SPTLC3: variants seen among roughly 807,000 people sequenced by gnomAD.
SPTLC3 encodes serine palmitoyltransferase 3.
SPTLC3 carries 36 observed loss-of-function variants against 59.3 expected under a neutral mutation model. The observed-to-expected ratio is 0.61, with a 90% CI of 0.47 to 0.80. SPTLC3 has a LOEUF of 0.80. SPTLC3 is among the 30% of genes least tolerant of loss of function. The pLI, the probability that SPTLC3 is intolerant of heterozygous loss-of-function variation, is 0.00. For synonymous variants in SPTLC3, 257 were observed against 240.8 expected (o/e 1.07, Z -0.62); for missense variants, 625 against 685.1 (o/e 0.91, Z 0.98).
chr20:13,082,622 G>A (rs901742725), intron 4 of SPTLC3, among the ~76,000 whole-genome samples: 5 of 152,042 alleles, frequency 3.3e-5, no homozygotes, highest in Non-Finnish European at 7.4e-5. Context: ...CAACCATATG[G>A]CCTGCAAAGC....
chr20:13,112,068 T>C (rs1255123196), intron 7 of SPTLC3, among the ~76,000 whole-genome samples: 1 of 152,218 alleles, frequency 6.6e-6, no homozygotes, highest in South Asian at 2.1e-4. Context: ...CAGTTACCTA[T>C]TGCCATGTAA....
Position 13,014,700 on chromosome 20 carries a change from A to G in SPTLC3, c.117+5316A>G, listed in dbSNP as rs563770649. On this transcript the variant is annotated intron_variant, in intron 1 of 11. Transcript: ENST00000399002. The stretch of plus-strand genomic sequence containing the variant: ...AGGGAAGGAAGCCGATACGCTCATG[A>G]GCAAGTTACCATTGTTGGCAACTGG... Among the ~76,000 whole-genome samples, 31 of 152,106 alleles carry G rather than the reference A, an allele frequency of 2.0e-4. 1 individual carries two copies. The South Asian group carries it at 3.1e-3, about 15-fold the overall frequency.
chr20:13,098,646 A>G (rs1480103854), intron 6 of SPTLC3, among the ~76,000 whole-genome samples: 1 of 152,176 alleles, frequency 6.6e-6, no homozygotes, highest in African/African-American at 2.4e-5. Flanking sequence ...TACTATCTCT[A>G]TCCTAACAAT....
At chr20:13,047,825 C>T (rs558558837) in intron 1 of SPTLC3, among the ~76,000 whole-genome samples, 2 of 152,232 alleles carry the variant, frequency 1.3e-5, no homozygotes, top group Non-Finnish European at 2.9e-5. Context: ...CACCTATATA[C>T]TCTCCATCCA....
intron 4 of SPTLC3, among the ~76,000 whole-genome samples, chr20:13,086,706 T>C (rs1189003838): frequency 6.6e-6 from 1 of 152,208 alleles, no homozygotes; most frequent in African/African-American, 2.4e-5. Context: ...AAAAGGACTG[T>C]GTCTGGGGAC....
intron 2 of SPTLC3, among the ~76,000 whole-genome samples, chr20:13,056,606 G>A (rs547863290): frequency 6.3e-4 from 96 of 151,430 alleles, no homozygotes; most frequent in Non-Finnish European, 8.8e-4. Flanking sequence ...GTGCCACCAC[G>A]CCTGGCTAAT....
chr20:13,092,264 G>T (rs1296377737), intron 5 of SPTLC3, among the ~76,000 whole-genome samples: 1 of 152,236 alleles, frequency 6.6e-6, no homozygotes, highest in Non-Finnish European at 1.5e-5. Flanking sequence ...GTGCCAAATG[G>T]CAATGAGCCA....
intron 1 of SPTLC3, among the ~76,000 whole-genome samples, chr20:13,037,083 T>C (rs1316069052): frequency 6.6e-6 from 1 of 152,198 alleles, no homozygotes; most frequent in Non-Finnish European, 1.5e-5. Flanking sequence ...ACAGGAAGGT[T>C]GCTGTAATTC....
chr20:13,077,279 A>G (rs1988681402), intron 4 of SPTLC3, among the ~76,000 whole-genome samples: 1 of 150,382 alleles, frequency 6.6e-6, no homozygotes, highest in Non-Finnish European at 1.5e-5. Context: ...TATATAAAAT[A>G]CAAATAATAT....
rs537086641 is a variant in SPTLC3, at chr20:13,073,014, A to G, written c.458+604A>G. On this transcript the variant is annotated intron_variant, in intron 3 of 11. Coordinates refer to ENST00000399002, the MANE Select transcript of SPTLC3 (RefSeq NM_018327.4). ...TAAATTGTAAAGATCAAATCAGTGTACTTGGGGCATCCATCATCTTAAATA... is the reference window on the plus strand; with the variant it reads ...TAAATTGTAAAGATCAAATCAGTGTGCTTGGGGCATCCATCATCTTAAATA... 2.3e-3 allele frequency among the ~76,000 whole-genome samples: 345 copies of G among 152,346 alleles called. 2 individuals are homozygous for G. The highest frequency in any genetic ancestry group is 7.9e-3 in the African/African-American group (327 of 41,582).
At chr20:13,090,583 G>A (rs243873) in intron 4 of SPTLC3, among the ~76,000 whole-genome samples, 44,788 of 151,920 alleles carry the variant, frequency 0.29, 6,923 homozygotes, top group African/African-American at 0.34. Flanking sequence ...ACCAGTCATA[G>A]GTATACAGCT....
chr20:13,083,206 C>T (rs1383905456), intron 4 of SPTLC3, among the ~76,000 whole-genome samples: 1 of 152,118 alleles, frequency 6.6e-6, no homozygotes, highest in African/African-American at 2.4e-5. Context: ...AGGAGTTTAT[C>T]CAGACTTTCC....
At chr20:13,137,400 G>C (rs1375669837) in intron 9 of SPTLC3, among the ~76,000 whole-genome samples, 1 of 152,086 alleles carries the variant, frequency 6.6e-6, no homozygotes, top group Non-Finnish European at 1.5e-5. Flanking sequence ...TTTGGCCTCT[G>C]GGAGAAGGCT....
At chr20:13,025,438 G>T (rs1986095208) in intron 1 of SPTLC3, among the ~76,000 whole-genome samples, 1 of 152,096 alleles carries the variant, frequency 6.6e-6, no homozygotes. Context: ...GCTTCATGGT[G>T]GTGTGACCTT....
Position 13,048,978 on chromosome 20 carries a change from A to G in SPTLC3, c.151A>G (p.Ile51Val), listed in dbSNP as rs747393200. ...GAAGCCACATTTTTATGATAAGCTCATTGTTGAATCGTTTGAGGAAGCACC... is the reference window on the plus strand; with the variant it reads ...GAAGCCACATTTTTATGATAAGCTCGTTGTTGAATCGTTTGAGGAAGCACC... ...NGKPHFYDKL[I>V]VESFEEAPLH... Residue 51 changes from isoleucine (I) to valine (V), a missense_variant, in exon 2 of 12, where the codon ATT becomes GTT. Ile to Val is a conservative substitution (Grantham distance 29). Coordinates refer to ENST00000399002, the MANE Select transcript of SPTLC3 (RefSeq NM_018327.4). 1.3e-6 allele frequency: 2 copies of G among 1,583,922 alleles called. No individual in the cohort carries two copies. The highest frequency in any genetic ancestry group is 8.5e-7 in the Non-Finnish European group (1 of 1,170,564).
intron 6 of SPTLC3, among the ~76,000 whole-genome samples, chr20:13,108,988 C>CA (rs1431484063): frequency 1.3e-5 from 2 of 152,052 alleles, no homozygotes; most frequent in African/African-American, 4.8e-5. Flanking sequence ...TTAGGAAATG[C>CA]AAAAAATACA....
intron 4 of SPTLC3, among the ~76,000 whole-genome samples, chr20:13,083,542 C>A (rs1277549286): frequency 1.3e-5 from 2 of 152,150 alleles, no homozygotes; most frequent in Non-Finnish European, 2.9e-5. Context: ...AGCAAGGTCC[C>A]TAGAGTTTAG....
intron 11 of SPTLC3, among the ~76,000 whole-genome samples, chr20:13,163,359 C>T (rs1459989900): frequency 4.7e-5 from 6 of 126,402 alleles, no homozygotes; most frequent in African/African-American, 1.8e-4. Context: ...CAGAGTGAGA[C>T]GCTGTCTCAA....
Position 13,168,823 on chromosome 20 carries a change from G to A in SPTLC3, c.*3956G>A, listed in dbSNP as rs1016032937. 1 of 152,140 alleles carries A rather than the reference G, an allele frequency of 6.6e-6. No homozygotes were observed. The highest frequency in any genetic ancestry group is 1.5e-5 in the Non-Finnish European group (1 of 68,016). The allele number at this position is 152,140 out of a possible 1,614,324, so 9.4% of individuals were successfully genotyped here. On this transcript the variant is annotated 3_prime_UTR_variant, in exon 12 of 12. Transcript: ENST00000399002. ...CTCAAAACAGTAAGAACAATTTGAA[G>A]TCTGTTCTTTAGAATGCCCTACTCA...
Sources: allele counts gnomAD v4.1 joint callset (sites outside exome capture counted in the v4.1 genomes callset), GRCh38; gene constraint gnomAD v4.1.1; transcripts MANE v1.5; gene names NCBI Gene and HGNC (gene_info 2026-07-23, HGNC 2026-07-21).